NRG1: variants seen among roughly 807,000 people sequenced by gnomAD.
NRG1 encodes the protein neuregulin 1.
NRG1 carries 18 observed loss-of-function variants against 63.8 expected under a neutral mutation model. The observed-to-expected ratio is 0.28, with a 90% confidence interval of 0.19 to 0.42. NRG1 has a LOEUF of 0.42. Ranked by LOEUF, NRG1 falls within the 10% of genes least tolerant of loss-of-function variation. NRG1 has a pLI of 1.00. For synonymous variants in NRG1, 302 were observed against 301.3 expected (o/e 1.00, Z -0.02); for missense variants, 762 against 814.7 (o/e 0.94, Z 0.79).
intron 5 of NRG1, among the ~76,000 whole-genome samples, chr8:32,696,810 G>T (rs139802289): frequency 6.6e-6 from 1 of 151,970 alleles, no homozygotes; most frequent in Non-Finnish European, 1.5e-5. Context: ...ACAGGCGTGC[G>T]CCACCGCACC....
intron 1 of NRG1, among the ~76,000 whole-genome samples, chr8:32,408,770 T>G (rs1234658229): frequency 6.6e-6 from 1 of 152,152 alleles, no homozygotes; most frequent in Admixed American, 6.5e-5. Flanking sequence ...TTTCTGTTTA[T>G]TTAGCGGGTA....
intron 1 of NRG1, among the ~76,000 whole-genome samples, chr8:32,314,089 A>T (rs1015137212): frequency 1.3e-5 from 2 of 152,118 alleles, no homozygotes; most frequent in African/African-American, 2.4e-5. Context: ...TCATTTGAAG[A>T]TTAATAAATC....
At chr8:32,067,122 T>C (rs1344481147) in intron 1 of NRG1, among the ~76,000 whole-genome samples, 1 of 152,200 alleles carries the variant, frequency 6.6e-6, no homozygotes, top group Non-Finnish European at 1.5e-5. Flanking sequence ...TATACAATCA[T>C]ATCATCTCCA....
chr8:32,561,639 T>C (rs1836420199), intron 1 of NRG1, among the ~76,000 whole-genome samples: 1 of 152,216 alleles, frequency 6.6e-6, no homozygotes, highest in African/African-American at 2.4e-5. Flanking sequence ...GCTTGTCCCT[T>C]GACAGCTGCT....
At chr8:31,986,069 T>C (rs1457697208) in intron 1 of NRG1, among the ~76,000 whole-genome samples, 1 of 152,166 alleles carries the variant, frequency 6.6e-6, no homozygotes, top group African/African-American at 2.4e-5. Context: ...TTCACTTCTA[T>C]GAAATATTCT....
intron 1 of NRG1, among the ~76,000 whole-genome samples, chr8:32,070,977 A>G (rs1825676695): frequency 6.6e-6 from 1 of 152,116 alleles, no homozygotes; most frequent in Non-Finnish European, 1.5e-5. Flanking sequence ...AGCACGCACC[A>G]AGCTCTGTGC....
Position 32,427,877 on chromosome 8 carries a change from C to T in NRG1, c.38-167951C>T, listed in dbSNP as rs565022251. The stretch of plus-strand genomic sequence containing the variant: ...AATATGAACAGGGGCGGTTTCAACC[C>T]TGCAAACGTTTTCTTCCAAGTTGCT... On this transcript the variant is annotated intron_variant, in intron 1 of 10. Transcript: ENST00000519301. Among the ~76,000 whole-genome samples the T allele has an allele frequency of 2.0e-5, 3 of 152,280 alleles. No individual in the cohort carries two copies. The South Asian group carries it at 6.2e-4, about 32-fold the overall frequency.
At chr8:32,653,180 G>A (rs534924395) in intron 5 of NRG1, among the ~76,000 whole-genome samples, 1 of 151,572 alleles carries the variant, frequency 6.6e-6, no homozygotes, top group Non-Finnish European at 1.5e-5. Context: ...TGTACGCTAA[G>A]TGCCTACTCT....
intron 1 of NRG1, among the ~76,000 whole-genome samples, chr8:31,880,272 A>G (rs1268711409): frequency 3.3e-5 from 5 of 151,882 alleles, no homozygotes; most frequent in Non-Finnish European, 5.9e-5. Flanking sequence ...GGGGGCAGAG[A>G]CTCTGCTTTT....
chr8:32,408,967 C>T (rs1160051078), intron 1 of NRG1, among the ~76,000 whole-genome samples: 1 of 151,978 alleles, frequency 6.6e-6, no homozygotes, highest in East Asian at 1.9e-4. Context: ...TTAGTTCTTA[C>T]TTATAAGTAA....
intron 5 of NRG1, among the ~76,000 whole-genome samples, chr8:32,710,884 G>A (rs897998150): frequency 3.0e-4 from 45 of 152,224 alleles, no homozygotes; most frequent in Middle Eastern, 3.4e-3. Context: ...TAGACAGAGC[G>A]TTTTCCGTGA....
At chr8:31,675,709 C>A (rs1276117966) in intron 1 of NRG1, among the ~76,000 whole-genome samples, 1 of 152,048 alleles carries the variant, frequency 6.6e-6, no homozygotes, top group Non-Finnish European at 1.5e-5. Flanking sequence ...TGTATTATTC[C>A]TAAATGTAGT....
At chr8:32,383,262 C>T (rs1287852602) in intron 1 of NRG1, among the ~76,000 whole-genome samples, 1 of 152,068 alleles carries the variant, frequency 6.6e-6, no homozygotes, top group Non-Finnish European at 1.5e-5. Flanking sequence ...AAAAGTAAAC[C>T]TTTCTTTCCT....
At chr8:32,559,264 T>A (rs200166006) in intron 1 of NRG1, among the ~76,000 whole-genome samples, 45 of 42,020 alleles carry the variant, frequency 1.1e-3, no homozygotes, top group East Asian at 1.9e-3. Context: ...AAAAAAAAAA[T>A]CACTACTCAG....
At chr8:31,965,119 G>T (rs755515390) in intron 1 of NRG1, among the ~76,000 whole-genome samples, 1 of 152,040 alleles carries the variant, frequency 6.6e-6, no homozygotes, top group East Asian at 1.9e-4. Flanking sequence ...AAGGAATTAC[G>T]AACATTGTAT....
At chr8:32,098,946 A>G (rs1481271005) in intron 1 of NRG1, 1 of 152,212 alleles carries the variant, frequency 6.6e-6, no homozygotes, top group Non-Finnish European at 1.5e-5. Flanking sequence ...GTGAGCAGGA[A>G]TTGCATTTTA....
intron 1 of NRG1, among the ~76,000 whole-genome samples, chr8:32,240,414 G>T (rs1031849179): frequency 1.3e-5 from 2 of 152,112 alleles, no homozygotes; most frequent in African/African-American, 4.8e-5. Flanking sequence ...AGAGGAGGGA[G>T]GGAGGTGTGT....
chr8:32,551,358 T>A (rs114529939), intron 1 of NRG1, among the ~76,000 whole-genome samples: 249 of 152,348 alleles, frequency 1.6e-3, no homozygotes, highest in African/African-American at 5.8e-3. Flanking sequence ...CCACTGCAAC[T>A]GTCTGTCCTT....
chr8:31,687,269 T>A (rs944678855), intron 1 of NRG1, among the ~76,000 whole-genome samples: 13 of 152,174 alleles, frequency 8.5e-5, no homozygotes, highest in African/African-American at 3.1e-4. Context: ...GAACTAGGTT[T>A]CTTTATTGAT....
Sources: gnomAD v4.1 joint callset for allele counts (sites outside exome capture counted in the v4.1 genomes callset) on GRCh38, gnomAD v4.1.1 for gene constraint, MANE v1.5 for transcripts, NCBI Gene and HGNC (gene_info 2026-07-23, HGNC 2026-07-21) for gene names.